COMMD1: variants seen among roughly 807,000 people sequenced by gnomAD.
COMMD1 encodes the protein copper metabolism domain containing 1, also known as COMM domain-containing protein 1.
In COMMD1, 10 loss-of-function variants were observed where a neutral mutation model predicts 17.2. That is an observed-to-expected ratio of 0.58 (90% CI 0.36 to 0.99). The LOEUF (loss-of-function observed/expected upper bound fraction) is 0.99, where lower values mean the gene tolerates loss of function less well. Among genes scored for constraint, COMMD1 ranks in the 50% least tolerant of loss-of-function variants. The probability of loss-of-function intolerance (pLI) is 0.01; values close to 1 mark genes in which losing one functional copy is unlikely to be tolerated. For missense variants in COMMD1, 270 were observed against 231.8 expected, an observed-to-expected ratio of 1.17 and a Z score of -1.07; for synonymous variants, 97 against 91.6, an observed-to-expected ratio of 1.06 and a Z score of -0.34.
chr2:62,072,590 G>A (rs543120591), intron 2 of COMMD1, among the ~76,000 whole-genome samples: 3 of 152,322 alleles, frequency 2.0e-5, no homozygotes, highest in Admixed American at 6.5e-5. Flanking sequence ...TATGAAAAGC[G>A]CTGTAACATG....
At chr2:61,982,614 T>C (rs941281490) in intron 1 of COMMD1, among the ~76,000 whole-genome samples, 36 of 152,240 alleles carry the variant, frequency 2.4e-4, no homozygotes. Flanking sequence ...ATACTAGCTA[T>C]GGATCTGTCA....
intron 1 of COMMD1, among the ~76,000 whole-genome samples, chr2:61,983,414 C>T (rs1362716294): frequency 1.3e-5 from 2 of 152,084 alleles, no homozygotes; most frequent in Non-Finnish European, 2.9e-5. Context: ...TGGTGTCAAT[C>T]TCCTTGACCT....
At chr2:61,890,381 G>C (rs984047598) in intron 1 of COMMD1, among the ~76,000 whole-genome samples, 3 of 152,012 alleles carry the variant, frequency 2.0e-5, no homozygotes, top group Non-Finnish European at 2.9e-5. Context: ...CACCATGCCC[G>C]GCTAATTTTG....
At chr2:62,035,396 G>C (rs900730848) in intron 2 of COMMD1, among the ~76,000 whole-genome samples, 12 of 152,166 alleles carry the variant, frequency 7.9e-5, no homozygotes, top group African/African-American at 2.9e-4. Context: ...TTCTATGTTT[G>C]TGTGTTGAGA....
intron 2 of COMMD1, among the ~76,000 whole-genome samples, chr2:62,133,495 A>T (rs1673101749): frequency 6.6e-6 from 1 of 152,236 alleles, no homozygotes; most frequent in Admixed American, 6.5e-5. Context: ...AAAAAAAATT[A>T]TAAATTTTGC....
intron 2 of COMMD1, among the ~76,000 whole-genome samples, chr2:62,027,186 A>G (rs1161552831): frequency 6.6e-6 from 1 of 152,194 alleles, no homozygotes; most frequent in Non-Finnish European, 1.5e-5. Context: ...ATTGCTTATT[A>G]TATCTTGCCT....
intron 2 of COMMD1, among the ~76,000 whole-genome samples, chr2:62,129,383 A>T (rs894909964): frequency 6.6e-6 from 1 of 152,242 alleles, no homozygotes; most frequent in Admixed American, 6.5e-5. Flanking sequence ...ATAGGAAAGG[A>T]CAAATGGAAA....
intron 2 of COMMD1, among the ~76,000 whole-genome samples, chr2:62,011,367 C>T (rs1253475757): frequency 6.6e-6 from 1 of 152,190 alleles, no homozygotes; most frequent in Non-Finnish European, 1.5e-5. Flanking sequence ...TACAGTCATC[C>T]ACAATTTGTG....
intron 2 of COMMD1, among the ~76,000 whole-genome samples, chr2:62,121,752 A>AAG (rs1040710722): frequency 1.3e-5 from 2 of 151,732 alleles, no homozygotes; most frequent in African/African-American, 4.8e-5. Context: ...AAAAAAAAAA[A>AAG]AGAGAGAGAG....
chr2:62,101,964 A>G (rs1672194238), intron 2 of COMMD1, among the ~76,000 whole-genome samples: 2 of 152,038 alleles, frequency 1.3e-5, no homozygotes, highest in South Asian at 4.1e-4. Context: ...AGGTCAGCCT[A>G]TAGTACTGAA....
chr2:62,081,858 C>T (rs1671533085), intron 2 of COMMD1, among the ~76,000 whole-genome samples: 1 of 151,922 alleles, frequency 6.6e-6, no homozygotes, highest in Non-Finnish European at 1.5e-5. Context: ...ATATGTCAAT[C>T]TTATGCTTTT....
intron 1 of COMMD1, among the ~76,000 whole-genome samples, chr2:61,947,122 C>G (rs1670928205): frequency 6.6e-6 from 1 of 152,068 alleles, no homozygotes; most frequent in Admixed American, 6.6e-5. Context: ...AATAAAACTT[C>G]TCAATGTTGT....
chr2:61,983,346 C>A (rs534806515), intron 1 of COMMD1, among the ~76,000 whole-genome samples: 2 of 151,272 alleles, frequency 1.3e-5, no homozygotes, highest in East Asian at 3.9e-4. Context: ...CGTGCCACCA[C>A]GCCTGGCTAA....
At chr2:62,102,273 C>T (rs954236295) in intron 2 of COMMD1, among the ~76,000 whole-genome samples, 1 of 152,162 alleles carries the variant, frequency 6.6e-6, no homozygotes, top group Admixed American at 6.5e-5. Flanking sequence ...TTTATATAAA[C>T]ACCCTCTGTA....
intron 1 of COMMD1, among the ~76,000 whole-genome samples, chr2:61,938,882 A>G (rs1670666425): frequency 6.6e-6 from 1 of 152,220 alleles, no homozygotes; most frequent in South Asian, 2.1e-4. Context: ...GAACAGAAAA[A>G]GGAACCTCTT....
chr2:62,031,185 C>CTA (rs1345477199), intron 2 of COMMD1, among the ~76,000 whole-genome samples: 4 of 152,226 alleles, frequency 2.6e-5, no homozygotes, highest in Admixed American at 1.3e-4. Context: ...CCTTAACCAA[C>CTA]TATTCCTTAA....
chr2:61,918,846 C>T (rs1670113196), intron 1 of COMMD1, among the ~76,000 whole-genome samples: 1 of 151,852 alleles, frequency 6.6e-6, no homozygotes, highest in Non-Finnish European at 1.5e-5. Flanking sequence ...AATAAAACAC[C>T]CACATTTTTA....
intron 2 of COMMD1, among the ~76,000 whole-genome samples, chr2:62,090,341 A>G (rs531618555): frequency 5.3e-5 from 8 of 152,344 alleles, no homozygotes; most frequent in Non-Finnish European, 1.0e-4. Context: ...TAGACTCACA[A>G]TGTGATTAGC....
At chr2:61,988,370 G>T (rs1018197829) in intron 1 of COMMD1, among the ~76,000 whole-genome samples, 2 of 152,154 alleles carry the variant, frequency 1.3e-5, no homozygotes, top group Non-Finnish European at 2.9e-5. Flanking sequence ...CCTTTAGTCA[G>T]GAGGTGATGA....
Sources: gnomAD v4.1 joint callset for allele counts (sites outside exome capture counted in the v4.1 genomes callset) on GRCh38, gnomAD v4.1.1 for gene constraint, MANE v1.5 for transcripts, NCBI Gene and HGNC (gene_info 2026-07-23, HGNC 2026-07-21) for gene names.